Variants in PABPC1L observed in about 807,000 individuals in gnomAD.
PABPC1L encodes the protein poly(A) binding protein cytoplasmic 1 like.
PABPC1L carries 31 observed loss-of-function variants against 66.6 expected under a neutral mutation model. That is an observed-to-expected ratio of 0.47 (90% CI 0.35 to 0.63). PABPC1L has a LOEUF of 0.63. Ranked by LOEUF, PABPC1L falls within the 20% of genes least tolerant of loss-of-function variation. The pLI, the probability that PABPC1L is intolerant of heterozygous loss-of-function variation, is 0.00. For missense variants in PABPC1L, 722 were observed against 848.8 expected (o/e 0.85, Z 1.86); for synonymous variants, 348 against 335.1 (o/e 1.04, Z -0.42).
Position 44,921,714 on chromosome 20 carries a change from C to T in PABPC1L, c.859C>T (p.Arg287Trp), listed in dbSNP as rs780149707. The T allele has an allele frequency of 1.2e-6, 2 of 1,613,252 alleles. No individual in the cohort carries two copies. The highest frequency in any genetic ancestry group is 2.2e-5 in the East Asian group (1 of 44,722). The change falls in exon 6 of 15, where the codon CGG becomes TGG. Residue 287 changes from arginine to tryptophan, a missense_variant. Arg to Trp is a moderately radical substitution (Grantham distance 101, BLOSUM62 -3). Around this residue, in one of 3 missense-constraint regions of PABPC1L, gnomAD observed 137 missense variants for 216.8 expected, o/e 0.63. Transcript: ENST00000217073. ...KRRFEQMKQD[R>W]LRRYQGVNLY... ...CAGGTTTGAGCAGATGAAGCAGGACCGGCTGAGGCGTTACCAGGTGAGGTC... is the reference window on the plus strand; with the variant it reads ...CAGGTTTGAGCAGATGAAGCAGGACTGGCTGAGGCGTTACCAGGTGAGGTC...
chr20:44,927,584 G>A (rs1342281722), intron 7 of PABPC1L, among the ~76,000 whole-genome samples: 4 of 151,212 alleles, frequency 2.6e-5, no homozygotes, highest in African/African-American at 9.7e-5. Flanking sequence ...TCTGACCTCA[G>A]GTGATCCACC....
rs1022167291 is a variant in PABPC1L at position 44,932,593 on chromosome 20, G to A, written c.1330+161G>A. ...CTCTTCTGAGCATGGGCCTGAATGA[G>A]ACGTGTGTAAAGTACCAAGCACAGT... On this transcript the variant is annotated intron_variant, in intron 9 of 14. Transcript: ENST00000217073. 1.2e-5 allele frequency: 7 copies of A among 606,312 alleles called. 1 individual carries two copies. In the Admixed American group the frequency reaches 1.8e-4, roughly 16 times the overall value. The allele number at this position is 606,312 out of a possible 1,614,324, so 37.6% of individuals were successfully genotyped here.
At position 44,937,075 on chromosome 20, in the gene PABPC1L, T is replaced by A. The variant is rs977095066; in HGVS notation, c.1660+345T>A. 136 of 469,626 alleles carry A rather than the reference T, an allele frequency of 2.9e-4. 1 individual carries two copies. Among genetic ancestry groups the A allele is most frequent in the South Asian group, 1.8e-3 (116 of 63,242 alleles). The allele number at this position is 469,626 out of a possible 1,614,324, so 29.1% of individuals were successfully genotyped here. A position where few individuals can be genotyped will look rare whatever the true frequency, so the allele number is the denominator to read the frequency against. ...TGAGAAATGGCTTGTAGGTGGGGGG[T>A]TAAAGTTCCTCACACCTCTCCTGAA... On this transcript the variant is annotated intron_variant, in intron 12 of 14. Coordinates refer to ENST00000217073, the MANE Select transcript of PABPC1L (RefSeq NM_001372179.1).
chr20:44,924,880 A>G (rs1161503857), intron 7 of PABPC1L, among the ~76,000 whole-genome samples: 1 of 151,212 alleles, frequency 6.6e-6, no homozygotes, highest in Admixed American at 6.6e-5. Flanking sequence ...TAGAATGTGG[A>G]TCCCCGGGGT....
At chr20:44,922,063 T>C (rs2066778119) in intron 6 of PABPC1L, among the ~76,000 whole-genome samples, 1 of 152,146 alleles carries the variant, frequency 6.6e-6, no homozygotes, top group South Asian at 2.1e-4. Flanking sequence ...ACCCCGCATA[T>C]TGCCAGATGC....
At chr20:44,913,904 A>G (rs1461314439) in intron 2 of PABPC1L, among the ~76,000 whole-genome samples, 1 of 152,244 alleles carries the variant, frequency 6.6e-6, no homozygotes, top group East Asian at 1.9e-4. Flanking sequence ...GTTCTTAGTC[A>G]TTATTGTATC....
At chr20:44,923,798 C>G (rs775607298) in intron 6 of PABPC1L, among the ~76,000 whole-genome samples, 1 of 152,114 alleles carries the variant, frequency 6.6e-6, no homozygotes. Flanking sequence ...AGCTCTGACT[C>G]CTGCTGCCCG....
chr20:44,929,900 T>C (rs2066838178), intron 7 of PABPC1L, among the ~76,000 whole-genome samples: 1 of 152,150 alleles, frequency 6.6e-6, no homozygotes, highest in Non-Finnish European at 1.5e-5. Flanking sequence ...ACAAAAAGGC[T>C]AAGAACCTCT....
At position 44,918,928 on chromosome 20, in the gene PABPC1L, CG is replaced by C. The variant is rs1568644156; in HGVS notation, c.527del (p.Arg176HisfsTer20). On this transcript the variant is annotated frameshift_variant, in exon 4 of 15. Coordinates refer to ENST00000217073, the MANE Select transcript of PABPC1L (RefSeq NM_001372179.1). LOFTEE classifies it high-confidence loss of function. ...CAGCTTTGTGGGTCACTTCAAGTCT[CG>C]ACGGGAGCGGGAGGCGGAGCTGGGG... ...RKVFVGHFKS[R>X]REREAELGAR... The C allele has an allele frequency of 6.2e-7, 1 of 1,601,112 alleles. No homozygotes were observed. Among genetic ancestry groups the C allele is most frequent in the Non-Finnish European group, 8.5e-7 (1 of 1,173,776 alleles).
At chr20:44,937,857 T>G in intron 12 of PABPC1L, 1 of 658,102 alleles carries the variant, frequency 1.5e-6, no homozygotes, top group Non-Finnish European at 2.5e-6. Flanking sequence ...CTGGACACAT[T>G]GCTGAGATGG....
intron 7 of PABPC1L, among the ~76,000 whole-genome samples, chr20:44,930,185 A>G (rs182936392): frequency 1.3e-4 from 20 of 152,336 alleles, no homozygotes; most frequent in Non-Finnish European, 2.8e-4. Flanking sequence ...TCCCTCAAAC[A>G]GCTCAGTAAA....
At chr20:44,938,440 G>T (rs1224457974) in intron 13 of PABPC1L, among the ~76,000 whole-genome samples, 1 of 152,188 alleles carries the variant, frequency 6.6e-6, no homozygotes, top group African/African-American at 2.4e-5. Context: ...AGTGTGTTGT[G>T]ACTCAGTGTA....
At chr20:44,935,161 T>C (rs552739235) in intron 10 of PABPC1L, among the ~76,000 whole-genome samples, 3 of 151,672 alleles carry the variant, frequency 2.0e-5, no homozygotes, top group African/African-American at 7.3e-5. Flanking sequence ...GAGGTAAAAT[T>C]GATGGATGAT....
intron 5 of PABPC1L, among the ~76,000 whole-genome samples, chr20:44,919,860 C>T (rs932791641): frequency 6.6e-6 from 1 of 152,186 alleles, no homozygotes; most frequent in Admixed American, 6.5e-5. Flanking sequence ...TATTTTGTGC[C>T]TTGAAATCCA....
chr20:44,929,535 C>G (rs2066835177), intron 7 of PABPC1L, among the ~76,000 whole-genome samples: 1 of 152,120 alleles, frequency 6.6e-6, no homozygotes, highest in Non-Finnish European at 1.5e-5. Context: ...TGGCTCACGC[C>G]TGTAATCCCA....
intron 10 of PABPC1L, among the ~76,000 whole-genome samples, chr20:44,933,685 T>G (rs2145580890): frequency 6.6e-6 from 1 of 151,432 alleles, no homozygotes; most frequent in African/African-American, 2.4e-5. Flanking sequence ...TCTCAGGTGA[T>G]CCGCCCACCT....
At chr20:44,929,395 T>C (rs988477136) in intron 7 of PABPC1L, among the ~76,000 whole-genome samples, 1 of 152,166 alleles carries the variant, frequency 6.6e-6, no homozygotes, top group Non-Finnish European at 1.5e-5. Context: ...AATAGCATTG[T>C]AGTTAATAGG....
At chr20:44,918,829 T>C in intron 3 of PABPC1L, 77 bp from the exon 4 acceptor site, 1 of 1,497,818 alleles carries the variant, frequency 6.7e-7, no homozygotes, top group Non-Finnish European at 8.9e-7. Flanking sequence ...AGGGCAGCAG[T>C]TGAGCAGGAG....
intron 1 of PABPC1L, among the ~76,000 whole-genome samples, chr20:44,910,751 G>A (rs749135802): frequency 1.3e-5 from 2 of 152,180 alleles, no homozygotes; most frequent in Non-Finnish European, 2.9e-5. Flanking sequence ...CACCTGGTGA[G>A]GAAGATGCCC....
Sources: allele counts gnomAD v4.1 joint callset (sites outside exome capture counted in the v4.1 genomes callset), GRCh38; gene constraint gnomAD v4.1.1; regional missense constraint gnomAD v4.1.1; transcripts MANE v1.5; gene names NCBI Gene and HGNC (gene_info 2026-07-23, HGNC 2026-07-21).